FAM107B: variants seen among roughly 807,000 people sequenced by gnomAD.
FAM107B encodes the protein protein FAM107B.
In FAM107B, 21 loss-of-function variants were observed where a neutral mutation model predicts 31.5. The observed-to-expected ratio is 0.67, with a 90% CI of 0.47 to 0.96. The LOEUF is 0.96. Among genes scored for constraint, FAM107B ranks in the 40% least tolerant of loss-of-function variants. The probability of loss-of-function intolerance (pLI) is 0.00; values close to 1 mark genes in which losing one functional copy is unlikely to be tolerated. For missense variants in FAM107B, 452 were observed against 377.1 expected (o/e 1.20, Z -1.64); for synonymous variants, 157 against 141.5 (o/e 1.11, Z -0.78).
intron 2 of FAM107B, among the ~76,000 whole-genome samples, chr10:14,633,892 T>G (rs569796798): frequency 1.7e-3 from 260 of 152,324 alleles, no homozygotes; most frequent in Non-Finnish European, 2.5e-3. Flanking sequence ...AATCATTACA[T>G]CACTTTGTGG....
At chr10:14,540,470 G>A (rs1445477632) in intron 2 of FAM107B, among the ~76,000 whole-genome samples, 3 of 152,150 alleles carry the variant, frequency 2.0e-5, no homozygotes, top group Non-Finnish European at 2.9e-5. Flanking sequence ...CACTCTCCTG[G>A]GCCTCTCCTG....
chr10:14,575,211 G>GTT lies in FAM107B; in HGVS notation c.470-44698_470-44697dup, dbSNP rs56368844. Reference sequence around the variant, plus strand: ...CGCTAAAGAAGCTTTTTGTTTTTTTGTTTTTTTTTTGAGATGGCGTCTCGC... The same window carrying GTT: ...CGCTAAAGAAGCTTTTTGTTTTTTTGTTTTTTTTTTTTGAGATGGCGTCTCGC... On this transcript the variant is annotated intron_variant, in intron 2 of 4. Transcript: ENST00000181796. Among the ~76,000 whole-genome samples, 1,350 of 149,218 alleles carry GTT rather than the reference G, an allele frequency of 9.0e-3. 16 individuals are homozygous for GTT. Among genetic ancestry groups the GTT allele is most frequent in the African/African-American group, 0.03 (1,238 of 40,792 alleles).
At chr10:14,587,703 G>A (rs901873535) in intron 2 of FAM107B, among the ~76,000 whole-genome samples, 1 of 152,136 alleles carries the variant, frequency 6.6e-6, no homozygotes, top group Non-Finnish European at 1.5e-5. Context: ...TTCTTTTGTG[G>A]TGGCAAGTGC....
intron 1 of FAM107B, among the ~76,000 whole-genome samples, chr10:14,733,700 C>G (rs1471037709): frequency 6.6e-6 from 1 of 152,144 alleles, no homozygotes; most frequent in Non-Finnish European, 1.5e-5. Context: ...TTTATCATTT[C>G]CATTTAACAA....
intron 1 of FAM107B, among the ~76,000 whole-genome samples, chr10:14,675,636 T>G (rs1343030301): frequency 6.6e-6 from 1 of 152,214 alleles, no homozygotes; most frequent in Non-Finnish European, 1.5e-5. Flanking sequence ...CATGAAACAT[T>G]TAAAGAGTTT....
At chr10:14,690,344 C>T (rs770907630) in intron 1 of FAM107B, among the ~76,000 whole-genome samples, 1 of 152,232 alleles carries the variant, frequency 6.6e-6, no homozygotes, top group Non-Finnish European at 1.5e-5. Flanking sequence ...CTGCTTCCTC[C>T]CCTCATCCTT....
At chr10:14,578,360 CTT>C (rs755647318) in intron 2 of FAM107B, among the ~76,000 whole-genome samples, 12 of 152,342 alleles carry the variant, frequency 7.9e-5, no homozygotes, top group Non-Finnish European at 1.8e-4. Context: ...TGCCAAACCT[CTT>C]TGAGTAATTT....
intron 1 of FAM107B, among the ~76,000 whole-genome samples, chr10:14,772,110 C>T (rs558028434): frequency 3.9e-5 from 6 of 152,218 alleles, no homozygotes; most frequent in Middle Eastern, 3.4e-3. Flanking sequence ...AATCCCAGCA[C>T]TTTGGGAGGC....
At chr10:14,613,153 G>A (rs1047528075) in intron 2 of FAM107B, among the ~76,000 whole-genome samples, 4 of 151,988 alleles carry the variant, frequency 2.6e-5, no homozygotes, top group African/African-American at 7.3e-5. Flanking sequence ...TGTGTTTTTA[G>A]GAGAGACAAG....
chr10:14,645,871 A>G (rs1853739568), intron 2 of FAM107B, among the ~76,000 whole-genome samples: 1 of 152,234 alleles, frequency 6.6e-6, no homozygotes, highest in Non-Finnish European at 1.5e-5. Flanking sequence ...AATGAATATC[A>G]TGACACAGAG....
At chr10:14,737,610 C>T (rs561522989) in intron 1 of FAM107B, among the ~76,000 whole-genome samples, 3 of 147,800 alleles carry the variant, frequency 2.0e-5, no homozygotes, top group African/African-American at 7.8e-5. Flanking sequence ...AGAGACTCGG[C>T]CTCCAAAACA....
chr10:14,762,376 A>C (rs1833067078), intron 1 of FAM107B, among the ~76,000 whole-genome samples: 1 of 152,214 alleles, frequency 6.6e-6, no homozygotes, highest in Non-Finnish European at 1.5e-5. Flanking sequence ...AGTGTTTCAC[A>C]GGAGGCTAGC....
At chr10:14,764,753 C>T (rs1423626158) in intron 1 of FAM107B, among the ~76,000 whole-genome samples, 1 of 152,144 alleles carries the variant, frequency 6.6e-6, no homozygotes, top group Non-Finnish European at 1.5e-5. Flanking sequence ...GTTCCTAGAC[C>T]GTAAGACATT....
chr10:14,645,246 A>C (rs1853723843), intron 2 of FAM107B, among the ~76,000 whole-genome samples: 1 of 152,144 alleles, frequency 6.6e-6, no homozygotes, highest in African/African-American at 2.4e-5. Flanking sequence ...CCAAGGGTGC[A>C]ATTCACTTAT....
chr10:14,570,798 T>A (rs932012560), intron 2 of FAM107B, among the ~76,000 whole-genome samples: 4 of 61,872 alleles, frequency 6.5e-5, no homozygotes, highest in Admixed American at 1.4e-4. Context: ...TGAGACTCCA[T>A]CTCAAAAAAA....
intron 2 of FAM107B, among the ~76,000 whole-genome samples, chr10:14,628,319 A>G (rs1050072065): frequency 1.9e-4 from 29 of 151,968 alleles, no homozygotes; most frequent in African/African-American, 6.8e-4. Context: ...GGGTTTCACC[A>G]TATGGCCAGG....
intron 1 of FAM107B, among the ~76,000 whole-genome samples, chr10:14,718,583 C>G (rs536692545): frequency 8.6e-5 from 13 of 151,804 alleles, no homozygotes; most frequent in African/African-American, 3.1e-4. Flanking sequence ...TCTCTGACCT[C>G]ACAGCAGAGT....
At chr10:14,668,549 C>A (rs771491073) in intron 1 of FAM107B, among the ~76,000 whole-genome samples, 9 of 152,062 alleles carry the variant, frequency 5.9e-5, no homozygotes, top group Non-Finnish European at 1.0e-4. Flanking sequence ...TTGTCACTGC[C>A]GTGACACTGA....
chr10:14,766,998 T>G (rs1474173549), intron 1 of FAM107B, among the ~76,000 whole-genome samples: 1 of 117,840 alleles, frequency 8.5e-6, no homozygotes, highest in African/African-American at 3.0e-5. Context: ...GCAAGAAAAC[T>G]GCAGAACAAT....
Sources: gnomAD v4.1 joint callset for allele counts (sites outside exome capture counted in the v4.1 genomes callset) on GRCh38, gnomAD v4.1.1 for gene constraint, MANE v1.5 for transcripts, NCBI Gene and HGNC (gene_info 2026-07-23, HGNC 2026-07-21) for gene names.